The following TPCN1 variants were observed in gnomAD, a reference collection of about 807,000 sequenced individuals.
TPCN1 encodes two pore channel protein 1.
A neutral mutation model predicts 108.8 loss-of-function variants in TPCN1; 52 were observed. The observed-to-expected ratio is 0.48, with a 90% CI of 0.38 to 0.60. TPCN1 has a LOEUF of 0.60. Among genes scored for constraint, TPCN1 ranks in the 20% least tolerant of loss-of-function variants. The probability of loss-of-function intolerance (pLI) is 0.00; values close to 1 mark genes in which losing one functional copy is unlikely to be tolerated. For synonymous variants in TPCN1, 446 were observed against 433.7 expected (o/e 1.03, Z -0.35); for missense variants, 806 against 1,072.8 (o/e 0.75, Z 3.47).
rs1459598571 is a variant in TPCN1 at position 113,295,925 on chromosome 12, G to A, written c.2335-35G>A. On this transcript the variant is annotated intron_variant, in intron 27 of 27. Transcript: ENST00000335509. The stretch of plus-strand genomic sequence containing the variant: ...GGGTGGGCGGGGCAGGGGGTGGGGT[G>A]CAGCCCTCAGCACCCCTTCTGCTCT... 2.6e-6 allele frequency: 4 copies of A among 1,542,908 alleles called. No homozygotes were observed. The African/African-American group carries it at 4.1e-5, about 16-fold the overall frequency.
chr12:113,286,762 G>A (rs1274849139), intron 18 of TPCN1, among the ~76,000 whole-genome samples: 1 of 152,178 alleles, frequency 6.6e-6, no homozygotes, highest in Admixed American at 6.5e-5. Context: ...TCTGGCCTTG[G>A]GGTCAGAGCA....
intron 15 of TPCN1, among the ~76,000 whole-genome samples, chr12:113,281,201 C>T (rs1385364384): frequency 6.6e-6 from 1 of 151,724 alleles, no homozygotes; most frequent in Non-Finnish European, 1.5e-5. Flanking sequence ...CCACCACGCC[C>T]AGCTGTTTTT....
At chr12:113,236,334 C>A (rs1429527004) in intron 2 of TPCN1, among the ~76,000 whole-genome samples, 1 of 152,200 alleles carries the variant, frequency 6.6e-6, no homozygotes. Context: ...ATGTTTGTTA[C>A]CTGCCTGGTG....
At chr12:113,251,913 G>A (rs898817435) in intron 2 of TPCN1, among the ~76,000 whole-genome samples, 1 of 152,252 alleles carries the variant, frequency 6.6e-6, no homozygotes, top group African/African-American at 2.4e-5. Context: ...GTGAGAGTGA[G>A]TCCAGGTTGC....
chr12:113,291,065 A>G (rs2136763043), intron 23 of TPCN1, 67 bp downstream of exon 23: 1 of 1,423,646 alleles, frequency 7.0e-7, no homozygotes. Context: ...GGTCTCCCCC[A>G]ACCCAGAGTA....
At chr12:113,234,647 A>G (rs1013982867) in intron 2 of TPCN1, among the ~76,000 whole-genome samples, 3 of 152,186 alleles carry the variant, frequency 2.0e-5, no homozygotes, top group South Asian at 2.1e-4. Flanking sequence ...TACCCCAGTC[A>G]TGAGGCTCTG....
intron 4 of TPCN1, among the ~76,000 whole-genome samples, chr12:113,267,467 C>T (rs1195673537): frequency 3.3e-5 from 5 of 151,446 alleles, no homozygotes; most frequent in East Asian, 1.9e-4. Flanking sequence ...GGCACCATCT[C>T]GGCTCACTGC....
rs868375547 is a variant in TPCN1 at position 113,277,380 on chromosome 12, T to C, written c.1184+16T>C. ...CCCTGCTCAGGTAAGAGCAGATGCC[T>C]GGTAGGGGCAGCATGGCCAGACAAG... On this transcript the variant is annotated intron_variant, in intron 12 of 27. Transcript: ENST00000335509. 32 of 1,613,838 alleles carry C rather than the reference T, an allele frequency of 2.0e-5. No homozygotes were observed. The Middle Eastern group carries it at 3.3e-3, about 166-fold the overall frequency.
chr12:113,228,827 T>C (rs1318845135), intron 2 of TPCN1, among the ~76,000 whole-genome samples: 2 of 152,154 alleles, frequency 1.3e-5, no homozygotes, highest in African/African-American at 2.4e-5. Context: ...ATGAAAGTGA[T>C]TGTGGCTCAG....
chr12:113,261,054 C>T (rs1045203253), intron 3 of TPCN1, among the ~76,000 whole-genome samples: 82 of 151,812 alleles, frequency 5.4e-4, no homozygotes, highest in African/African-American at 1.8e-3. Flanking sequence ...ATTAGCTGGG[C>T]GTTGGTGGGC....
intron 15 of TPCN1, among the ~76,000 whole-genome samples, chr12:113,283,305 T>G (rs545695154): frequency 6.6e-6 from 1 of 152,260 alleles, no homozygotes; most frequent in East Asian, 1.9e-4. Context: ...GCCACCTGGC[T>G]TTTTGCAGTT....
intron 13 of TPCN1, 25 bp from the exon 14 acceptor site, chr12:113,278,747 C>G: frequency 6.2e-7 from 1 of 1,611,162 alleles, no homozygotes; most frequent in South Asian, 1.1e-5. Context: ...CTGACACCCT[C>G]CCTCTTGGTC....
At chr12:113,287,130 G>C (rs1413502207) in intron 19 of TPCN1, 36 bp downstream of exon 19, 1 of 1,551,676 alleles carries the variant, frequency 6.4e-7, no homozygotes, top group African/African-American at 1.4e-5. Context: ...CAGGGAGAAA[G>C]AGAGGGAGGA....
chr12:113,267,934 G>A lies in TPCN1; in HGVS notation c.506G>A (p.Arg169Gln), dbSNP rs376183709. ...LRWLGLHTFIRHKRTMVKTSV... is the reference protein window; with the variant it reads ...LRWLGLHTFIQHKRTMVKTSV... ...TGGCTGGGCCTCCACACCTTCATCCGGCACAAGCGGACCATGGTCAAGGTG... is the reference window on the plus strand; with the variant it reads ...TGGCTGGGCCTCCACACCTTCATCCAGCACAAGCGGACCATGGTCAAGGTG... Residue 169 changes from arginine to glutamine, a missense_variant, in exon 5 of 28, where the codon CGG (arginine) becomes CAG (glutamine). Transcript: ENST00000335509. 9 of 1,613,418 alleles carry A rather than the reference G, an allele frequency of 5.6e-6. No homozygotes were observed. The highest frequency in any genetic ancestry group is 2.7e-5 in the African/African-American group (2 of 74,890).
At chr12:113,240,462 TG>T (rs1336997496) in intron 2 of TPCN1, among the ~76,000 whole-genome samples, 1 of 152,224 alleles carries the variant, frequency 6.6e-6, no homozygotes, top group African/African-American at 2.4e-5. Flanking sequence ...GAGCTGAGCT[TG>T]TTTTTTCCTA....
In TPCN1 at chr12:113,269,991, T is replaced by C. The variant is rs985135076; in HGVS notation, c.748+146T>C. ...GTGGGTGGGTAACCTAGGTCAGGAG[T>C]TTGAGGCCAGCCTGGTCAACATGGT... On this transcript the variant is annotated intron_variant, in intron 7 of 27. Coordinates refer to ENST00000335509, the MANE Select transcript of TPCN1 (RefSeq NM_017901.6). The surrounding 1 kb of genome is among the most constrained non-coding windows in gnomAD (Gnocchi z 5.0). The C allele has an allele frequency of 2.6e-6, 2 of 769,846 alleles. No individual in the cohort carries two copies. Among genetic ancestry groups the C allele is most frequent in the African/African-American group, 3.5e-5 (2 of 57,644 alleles). The allele number at this position is 769,846 out of a possible 1,614,324, so 47.7% of individuals were successfully genotyped here. A position where few individuals can be genotyped will look rare whatever the true frequency, so the allele number is the denominator to read the frequency against.
intron 2 of TPCN1, among the ~76,000 whole-genome samples, chr12:113,241,532 C>G (rs550928165): frequency 6.6e-6 from 1 of 152,358 alleles, no homozygotes; most frequent in African/African-American, 2.4e-5. Flanking sequence ...TCAAGCCAAA[C>G]TTGTTCTTCC....
intron 2 of TPCN1, among the ~76,000 whole-genome samples, chr12:113,247,890 A>G (rs1434411299): frequency 6.6e-6 from 1 of 152,130 alleles, no homozygotes; most frequent in Non-Finnish European, 1.5e-5. Flanking sequence ...CCACATGAGC[A>G]CTCCAAGTCC....
chr12:113,270,803 C>T (rs1204591351), intron 7 of TPCN1, among the ~76,000 whole-genome samples: 3 of 152,050 alleles, frequency 2.0e-5, no homozygotes, highest in Non-Finnish European at 4.4e-5. Flanking sequence ...TATAGGGGCA[C>T]TAATCCCATT....
Sources: gnomAD v4.1 joint callset for allele counts (sites outside exome capture counted in the v4.1 genomes callset) on GRCh38, gnomAD v4.1.1 for gene constraint, Gnocchi (gnomAD v3.1) non-coding constraint, MANE v1.5 for transcripts, NCBI Gene and HGNC (gene_info 2026-07-23, HGNC 2026-07-21) for gene names.